MCTP2: variants seen among roughly 807,000 people sequenced by gnomAD.
MCTP2 encodes the protein multiple C2 and transmembrane domain-containing protein 2.
In MCTP2, 132 loss-of-function variants were observed where a neutral mutation model predicts 111.6. That is an observed-to-expected ratio of 1.18 (90% CI 1.03 to 1.37). MCTP2 has a LOEUF of 1.37. Ranked by LOEUF, MCTP2 falls within the 40% of genes most tolerant of loss-of-function variation. The probability of loss-of-function intolerance (pLI) is 0.00; values close to 1 mark genes in which losing one functional copy is unlikely to be tolerated. For synonymous variants in MCTP2, 395 were observed against 387.7 expected, an observed-to-expected ratio of 1.02 and a Z score of -0.22; for missense variants, 1,183 against 1,067.9, an observed-to-expected ratio of 1.11 and a Z score of -1.50.
intron 17 of MCTP2, among the ~76,000 whole-genome samples, chr15:94,431,906 G>A (rs903945634): frequency 6.6e-6 from 1 of 152,094 alleles, no homozygotes; most frequent in African/African-American, 2.4e-5. Context: ...GATGTACACA[G>A]TATTCTGAAA....
At chr15:94,344,031 G>A (rs2077816781) in intron 7 of MCTP2, 1 of 151,624 alleles carries the variant, frequency 6.6e-6, no homozygotes, top group African/African-American at 2.4e-5. Context: ...GGTTGGTTTG[G>A]GTGAAAATAT....
chr15:94,274,961 T>A (rs927356562), intron 1 of MCTP2, among the ~76,000 whole-genome samples: 2 of 152,144 alleles, frequency 1.3e-5, no homozygotes, highest in African/African-American at 4.8e-5. Context: ...GTCTGATATA[T>A]AAAAGTGTTA....
At chr15:94,249,009 T>C (rs1164687398) in intron 1 of MCTP2, among the ~76,000 whole-genome samples, 1 of 152,216 alleles carries the variant, frequency 6.6e-6, no homozygotes, top group African/African-American at 2.4e-5. Context: ...GCTTAAATGC[T>C]ATTGAAGCGC....
At chr15:94,396,450 G>GTGTA (rs1340388691) in intron 14 of MCTP2, among the ~76,000 whole-genome samples, 2 of 152,018 alleles carry the variant, frequency 1.3e-5, no homozygotes, top group African/African-American at 4.8e-5. Context: ...TTGTGTGTGT[G>GTGTA]TGTATATATA....
At chr15:94,461,630 G>C (rs1253705028) in intron 20 of MCTP2, among the ~76,000 whole-genome samples, 3 of 152,154 alleles carry the variant, frequency 2.0e-5, no homozygotes, top group African/African-American at 7.2e-5. Flanking sequence ...CTGAGATTAA[G>C]GGAGACCTAG....
intron 20 of MCTP2, among the ~76,000 whole-genome samples, chr15:94,465,651 A>ACT (rs1229931375): frequency 6.6e-6 from 1 of 152,050 alleles, no homozygotes; most frequent in East Asian, 1.9e-4. Context: ...CTTGTATCTC[A>ACT]CCATCACTGT....
At chr15:94,319,275 T>C (rs1462115963) in intron 4 of MCTP2, among the ~76,000 whole-genome samples, 2 of 152,196 alleles carry the variant, frequency 1.3e-5, no homozygotes, top group Non-Finnish European at 2.9e-5. Context: ...TCCTCATTAC[T>C]AATACATGTG....
intron 8 of MCTP2, among the ~76,000 whole-genome samples, chr15:94,350,930 CCT>C (rs1448537455): frequency 6.6e-6 from 1 of 151,676 alleles, no homozygotes; most frequent in Non-Finnish European, 1.5e-5. Context: ...TTTCGCTGGT[CCT>C]AAAATCTGAG....
At chr15:94,245,348 A>T (rs1173807818) in intron 1 of MCTP2, among the ~76,000 whole-genome samples, 1 of 133,630 alleles carries the variant, frequency 7.5e-6, no homozygotes, top group Non-Finnish European at 1.6e-5. Flanking sequence ...AGATATTTAC[A>T]TACATATGTA....
At chr15:94,352,627 G>T (rs188852523) in intron 8 of MCTP2, among the ~76,000 whole-genome samples, 6 of 152,296 alleles carry the variant, frequency 3.9e-5, no homozygotes, top group African/African-American at 1.2e-4. Context: ...GCTTTCCCCT[G>T]TGATGGGTCA....
At chr15:94,354,648 G>A (rs143762026) in intron 8 of MCTP2, among the ~76,000 whole-genome samples, 50 of 152,214 alleles carry the variant, frequency 3.3e-4, no homozygotes, top group Admixed American at 1.5e-3. Flanking sequence ...GTGTGATAAC[G>A]GAGTAATACA....
intron 14 of MCTP2, among the ~76,000 whole-genome samples, chr15:94,390,072 A>ATATATATACATG (rs2080810051): frequency 6.0e-5 from 1 of 16,646 alleles, no homozygotes; most frequent in African/African-American, 1.5e-4. Flanking sequence ...ATATATATAT[A>ATATATATACATG]TATATATATA....
intron 2 of MCTP2, among the ~76,000 whole-genome samples, chr15:94,299,041 C>A (rs1165732329): frequency 7.7e-6 from 1 of 130,532 alleles, no homozygotes; most frequent in Non-Finnish European, 1.6e-5. Context: ...CTCCCCCTCC[C>A]CCTTCCCCTT....
At chr15:94,259,290 A>C (rs2073037915) in intron 1 of MCTP2, among the ~76,000 whole-genome samples, 1 of 152,232 alleles carries the variant, frequency 6.6e-6, no homozygotes, top group African/African-American at 2.4e-5. Flanking sequence ...ACCTTTAAAG[A>C]GAACATGCTA....
intron 7 of MCTP2, chr15:94,343,787 T>G (rs1482043146): frequency 6.6e-6 from 1 of 152,180 alleles, no homozygotes; most frequent in African/African-American, 2.4e-5. Flanking sequence ...AAAGAGTGTC[T>G]GTTTTATAGG....
chr15:94,241,309 T>C (rs948332095), intron 1 of MCTP2, among the ~76,000 whole-genome samples: 5 of 152,192 alleles, frequency 3.3e-5, no homozygotes, highest in Non-Finnish European at 2.9e-5. Flanking sequence ...TCGGTGTTGT[T>C]TAATATTCAT....
intron 1 of MCTP2, among the ~76,000 whole-genome samples, chr15:94,240,013 T>C (rs113761893): frequency 6.1e-4 from 93 of 152,312 alleles, no homozygotes; most frequent in African/African-American, 2.1e-3. Context: ...AGAATTATTA[T>C]TTTATTGTTT....
chr15:94,272,764 G>C (rs559284060), intron 1 of MCTP2, among the ~76,000 whole-genome samples: 1 of 151,570 alleles, frequency 6.6e-6, no homozygotes, highest in Non-Finnish European at 1.5e-5. Context: ...TGTCTTTCTA[G>C]TTTCCTTTGC....
Position 94,303,061 on chromosome 15 carries a change from A to AAT in MCTP2, c.465+4343_465+4344dup, listed in dbSNP as rs144576513. Among the ~76,000 whole-genome samples, 579 of 112,610 alleles carry AAT rather than the reference A, an allele frequency of 5.1e-3. 5 individuals carry two copies. The highest frequency in any genetic ancestry group is 9.0e-3 in the Admixed American group (99 of 11,022). The allele number at this position is 112,610 out of a possible 152,430, so 73.9% of individuals were successfully genotyped here. On this transcript the variant is annotated intron_variant, in intron 2 of 22. Coordinates refer to ENST00000357742, the MANE Select transcript of MCTP2 (RefSeq NM_001385001.1). ...TTCTCTAGAGGGGCAGAACTAATGG[A>AAT]ATATATATATATAGTTTATATATAT...
Sources: allele counts gnomAD v4.1 joint callset (sites outside exome capture counted in the v4.1 genomes callset), GRCh38; gene constraint gnomAD v4.1.1; transcripts MANE v1.5; gene names NCBI Gene and HGNC (gene_info 2026-07-23, HGNC 2026-07-21).